The following TENM2 variants were observed in gnomAD, a reference collection of about 807,000 sequenced individuals.
TENM2 encodes teneurin transmembrane protein 2.
Under a neutral mutation model 245.2 loss-of-function variants are expected in TENM2, and 52 were observed. The ratio of observed to expected loss-of-function variants is 0.21; its 90% CI spans 0.17 to 0.27. The LOEUF is 0.27. Among genes scored for constraint, TENM2 ranks in the 10% least tolerant of loss-of-function variants. The pLI is 1.00. For missense variants in TENM2, 3,046 were observed against 3,666.8 expected, an observed-to-expected ratio of 0.83 and a Z score of 4.37; for synonymous variants, 1,363 against 1,438.9, an observed-to-expected ratio of 0.95 and a Z score of 1.19.
intron 25 of TENM2, among the ~76,000 whole-genome samples, chr5:168,234,531 C>T (rs549734484): frequency 2.6e-5 from 4 of 152,288 alleles, no homozygotes; most frequent in East Asian, 1.9e-4. Flanking sequence ...TCCATCCCTC[C>T]GAAGCCTAAT....
chr5:168,100,712 C>T lies in TENM2; in HGVS notation c.1813+2585C>T, dbSNP rs1168639972. Among the ~76,000 whole-genome samples the T allele has an allele frequency of 2.0e-5, 3 of 151,884 alleles. No homozygotes were observed. In the East Asian group the frequency reaches 5.8e-4, roughly 29 times the overall value. ...GAACACATGGACACAGGGAGGGGAA[C>T]ATCACACAGTGAGGCCTGTCAGGGG... On this transcript the variant is annotated intron_variant, in intron 9 of 28. Transcript: ENST00000518659.
At chr5:168,035,789 C>T (rs1787611816) in intron 5 of TENM2, among the ~76,000 whole-genome samples, 1 of 152,156 alleles carries the variant, frequency 6.6e-6, no homozygotes. Flanking sequence ...CCAGATTTAG[C>T]AAACTTATAA....
intron 2 of TENM2, among the ~76,000 whole-genome samples, chr5:167,606,741 G>T (rs963344618): frequency 6.6e-6 from 1 of 152,182 alleles, no homozygotes; most frequent in Non-Finnish European, 1.5e-5. Context: ...TCCTGTTAGT[G>T]ATGTAATTTT....
chr5:167,888,054 C>T (rs1000268545), intron 3 of TENM2, among the ~76,000 whole-genome samples: 1 of 152,048 alleles, frequency 6.6e-6, no homozygotes, highest in Non-Finnish European at 1.5e-5. Context: ...ATTTAGGGCT[C>T]GTCATAATTG....
rs1339051385 is a variant in TENM2, at chr5:168,158,850, T to TATATATATATATATATACACAC, written c.2423-3760_2423-3759insTATATATATATATATACACACA. 3.0e-3 allele frequency among the ~76,000 whole-genome samples: 188 copies of TATATATATATATATATACACAC among 62,162 alleles called. 1 individual carries two copies. The highest frequency in any genetic ancestry group is 4.5e-3 in the Non-Finnish European group (143 of 31,930). 40.8% of individuals were successfully genotyped at this position (62,162 alleles called of 152,430 possible). A position where few individuals can be genotyped will look rare whatever the true frequency, so the allele number is the denominator to read the frequency against. On this transcript the variant is annotated intron_variant, in intron 12 of 28. Coordinates refer to ENST00000518659, the Ensembl canonical transcript of TENM2. ...GTGTGTATATATATATATATATATA[T>TATATATATATATATATACACAC]ACACACACACACACACACATATATA...
the TENM2 span, among the ~76,000 whole-genome samples, chr5:167,011,546 G>C: frequency 6.6e-6 from 1 of 152,196 alleles, no homozygotes; most frequent in African/African-American, 2.4e-5. Flanking sequence ...TGATGAGGGA[G>C]CATGAGGCTC....
intron 2 of TENM2, among the ~76,000 whole-genome samples, chr5:167,565,200 G>A (rs1241859474): frequency 6.6e-6 from 1 of 152,204 alleles, no homozygotes; most frequent in Non-Finnish European, 1.5e-5. Context: ...AGCTTCCAGG[G>A]ATTGGTGATG....
intron 1 of TENM2, among the ~76,000 whole-genome samples, chr5:167,373,495 G>C (rs1423359824): frequency 6.6e-6 from 1 of 152,120 alleles, no homozygotes; most frequent in East Asian, 1.9e-4. Context: ...TTTCTTCACT[G>C]CATTTTTTTC....
At chr5:167,716,490 A>T (rs1206156555) in intron 2 of TENM2, among the ~76,000 whole-genome samples, 1 of 152,196 alleles carries the variant, frequency 6.6e-6, no homozygotes, top group East Asian at 1.9e-4. Flanking sequence ...TTTATTGTTA[A>T]TATTTACATA....
At chr5:167,124,289 G>T in the TENM2 span, among the ~76,000 whole-genome samples, 1 of 152,194 alleles carries the variant, frequency 6.6e-6, no homozygotes, top group Admixed American at 6.5e-5. Context: ...TTTTTTCAAT[G>T]TATTATTCCT....
At chr5:168,118,417 G>A in exon 10 of TENM2, 6 of 1,610,702 alleles carry the variant, frequency 3.7e-6, no homozygotes, top group Non-Finnish European at 5.1e-6. Flanking sequence ...TTCCTGCGGG[G>A]GCCACGGCTC....
chr5:167,749,109 A>G (rs944224287), intron 2 of TENM2, among the ~76,000 whole-genome samples: 2 of 152,128 alleles, frequency 1.3e-5, no homozygotes, highest in Non-Finnish European at 2.9e-5. Context: ...GTTTCATTAC[A>G]TATTTCTTGG....
intron 2 of TENM2, among the ~76,000 whole-genome samples, chr5:167,453,589 G>A (rs1003830468): frequency 2.0e-5 from 3 of 152,112 alleles, no homozygotes; most frequent in African/African-American, 7.2e-5. Flanking sequence ...TTTAAGAAAA[G>A]CCATTAAATT....
Position 167,350,705 on chromosome 5 carries a change from G to GAT in TENM2, c.227-24482_227-24481dup, listed in dbSNP as rs72398072. On this transcript the variant is annotated intron_variant, in intron 1 of 28. Transcript: ENST00000518659. ...TATATATATATGGGATACATATATGGATATATATATATGGGATATATACAT... is the reference window on the plus strand; with the variant it reads ...TATATATATATGGGATACATATATGGATATATATATATATGGGATATATACAT... Among the ~76,000 whole-genome samples the GAT allele has an allele frequency of 1.9e-3, 178 of 95,090 alleles. 4 individuals carry two copies. The highest frequency in any genetic ancestry group is 6.5e-3 in the African/African-American group (170 of 26,120). The allele number at this position is 95,090 out of a possible 152,430, so 62.4% of individuals were successfully genotyped here.
the TENM2 span, among the ~76,000 whole-genome samples, chr5:167,257,202 C>T: frequency 6.6e-6 from 1 of 151,998 alleles, no homozygotes; most frequent in Non-Finnish European, 1.5e-5. Flanking sequence ...AAAGAGAATA[C>T]AACTTTCCCT....
chr5:168,175,911 C>T (rs1455758240), intron 13 of TENM2, among the ~76,000 whole-genome samples: 1 of 152,182 alleles, frequency 6.6e-6, no homozygotes. Context: ...AAGTCTTAGC[C>T]CTTTGACGAG....
rs576238923 is a variant in TENM2, at chr5:168,054,032, T to G, written c.1309+6483T>G. 3.0e-4 allele frequency among the ~76,000 whole-genome samples: 46 copies of G among 152,344 alleles called. 1 individual carries two copies. In the East Asian group the frequency reaches 6.7e-3, roughly 22 times the overall value. ...TACTATCAATAATAGTAAACTAAAC[T>G]AAATATTAATGCAGGAGCAAGTTCA... On this transcript the variant is annotated intron_variant, in intron 6 of 28. Transcript: ENST00000518659.
At chr5:167,135,843 TTCTTGCAGAACCATATAGTGA>T in the TENM2 span, among the ~76,000 whole-genome samples, 1 of 152,166 alleles carries the variant, frequency 6.6e-6, no homozygotes, top group Non-Finnish European at 1.5e-5. Flanking sequence ...CAGAAGCATA[TTCTTGCAGAACCATATAGTGA>T]TCTTGGTTAT....
the TENM2 span, among the ~76,000 whole-genome samples, chr5:167,084,354 TATATATATATATAC>T: frequency 5.4e-5 from 6 of 111,776 alleles, no homozygotes; most frequent in South Asian, 1.7e-3. Flanking sequence ...TATATATATA[TATATATATATATAC>T]AGATCAGATT....
Sources: gnomAD v4.1 joint callset for allele counts (sites outside exome capture counted in the v4.1 genomes callset) on GRCh38, gnomAD v4.1.1 for gene constraint, MANE v1.5 for transcripts, NCBI Gene and HGNC (gene_info 2026-07-23, HGNC 2026-07-21) for gene names.